Variants in PAX3 observed in about 807,000 individuals in gnomAD.
PAX3 encodes the protein paired box protein Pax-3.
A neutral mutation model predicts 51.6 loss-of-function variants in PAX3; 14 were observed. The ratio of observed to expected loss-of-function variants is 0.27; its 90% CI spans 0.18 to 0.42. The LOEUF is 0.42. Ranked by LOEUF, PAX3 falls within the 10% of genes least tolerant of loss-of-function variation. PAX3 has a pLI of 1.00. For synonymous variants in PAX3, 280 were observed against 253.4 expected (o/e 1.11, Z -1.00); for missense variants, 540 against 642.8 (o/e 0.84, Z 1.73).
intron 1 of PAX3, 154 bp downstream of exon 1, chr2:222,298,377 G>T: frequency 1.6e-6 from 1 of 641,130 alleles, no homozygotes; most frequent in South Asian, 1.8e-5. Context: ...AAATCGAGTA[G>T]GTCCTCGCCC....
chr2:222,222,008 A>T (rs1692214256), intron 5 of PAX3, among the ~76,000 whole-genome samples: 1 of 152,052 alleles, frequency 6.6e-6, no homozygotes, highest in African/African-American at 2.4e-5. Flanking sequence ...TTTTTATCTA[A>T]AATAATTCAT....
rs1446004001 is a variant in PAX3, at chr2:222,222,090, G to A, written c.793-703C>T. On this transcript the variant is annotated intron_variant, in intron 5 of 8. Transcript: ENST00000392070. ...CTGTGTCAAGCACTATGCTAACCAG[G>A]TACATTCAGAAAAGCCTGATACAAT... Among the ~76,000 whole-genome samples, 3 of 151,918 alleles carry A rather than the reference G, an allele frequency of 2.0e-5. No homozygotes were observed. The East Asian group carries it at 5.8e-4, about 29-fold the overall frequency.
chr2:222,297,580 G>A (rs540357137), intron 1 of PAX3, among the ~76,000 whole-genome samples: 70 of 152,210 alleles, frequency 4.6e-4, no homozygotes, highest in African/African-American at 1.6e-3. Context: ...CCAGGAGCTG[G>A]CCTTGATGAA....
chr2:222,255,547 T>C (rs1434026724), intron 4 of PAX3, among the ~76,000 whole-genome samples: 2 of 152,220 alleles, frequency 1.3e-5, no homozygotes, highest in East Asian at 3.8e-4. Context: ...CTGATACCTA[T>C]CTAGCATCTA....
In PAX3 at chr2:222,222,455, G is replaced by A. The variant is rs532009439; in HGVS notation, c.793-1068C>T. On this transcript the variant is annotated intron_variant, in intron 5 of 8. Transcript: ENST00000392070. ...GTCTTGCTCTGTCGCCCAGTCTGGA[G>A]TGCAATGGCGGGATCTCAGTTCAAC... 8.0e-5 allele frequency among the ~76,000 whole-genome samples: 12 copies of A among 150,940 alleles called. No homozygotes were observed. The East Asian group carries it at 2.3e-3, about 29-fold the overall frequency.
intron 4 of PAX3, among the ~76,000 whole-genome samples, chr2:222,280,237 GAGAA>G (rs908363719): frequency 2.1e-5 from 3 of 139,668 alleles, no homozygotes; most frequent in Admixed American, 7.5e-5. Context: ...GAGAGAGAGG[GAGAA>G]AGAAAGAAAG....
chr2:222,225,248 A>G (rs929574186), intron 5 of PAX3, among the ~76,000 whole-genome samples: 1 of 152,158 alleles, frequency 6.6e-6, no homozygotes, highest in Non-Finnish European at 1.5e-5. Context: ...TGCCGCCTGT[A>G]CTTCCCAACT....
intron 4 of PAX3, among the ~76,000 whole-genome samples, chr2:222,265,693 A>AAGGAAGGAAGGAAGGGAGAGAGAGC (rs1464152738): frequency 1.3e-5 from 2 of 151,594 alleles, no homozygotes; most frequent in Non-Finnish European, 2.9e-5. Flanking sequence ...GAAGGAAGGG[A>AAGGAAGGAAGGAAGGGAGAGAGAGC]GAAAGATTGA....
At chr2:222,271,046 G>A (rs1694234386) in intron 4 of PAX3, among the ~76,000 whole-genome samples, 1 of 152,210 alleles carries the variant, frequency 6.6e-6, no homozygotes, top group Admixed American at 6.5e-5. Flanking sequence ...CTTTATATTT[G>A]CTCAGGACTT....
chr2:222,298,181 C>G, intron 1 of PAX3: 1 of 339,512 alleles, frequency 2.9e-6, no homozygotes, highest in Non-Finnish European at 5.5e-6. Flanking sequence ...TTCGAGACAA[C>G]TTCGAGACAA....
intron 5 of PAX3, among the ~76,000 whole-genome samples, chr2:222,227,508 T>C (rs1692429633): frequency 6.6e-6 from 1 of 151,998 alleles, no homozygotes; most frequent in African/African-American, 2.4e-5. Flanking sequence ...GGGAGGATCA[T>C]CTGAGCCCAG....
At chr2:222,249,833 C>T (rs756359705) in intron 4 of PAX3, among the ~76,000 whole-genome samples, 2 of 152,114 alleles carry the variant, frequency 1.3e-5, no homozygotes, top group Non-Finnish European at 2.9e-5. Context: ...TAAAATATCC[C>T]TAAATAACAG....
intron 4 of PAX3, among the ~76,000 whole-genome samples, chr2:222,256,927 T>G (rs1317071530): frequency 6.6e-6 from 1 of 152,212 alleles, no homozygotes; most frequent in Non-Finnish European, 1.5e-5. Flanking sequence ...ATCATTGAAA[T>G]GGACCCTGTA....
At chr2:222,223,788 C>G (rs1226783401) in intron 5 of PAX3, among the ~76,000 whole-genome samples, 4 of 152,194 alleles carry the variant, frequency 2.6e-5, no homozygotes, top group Non-Finnish European at 5.9e-5. Flanking sequence ...TTACTATGCT[C>G]AGTTCCACTG....
chr2:222,267,307 A>G (rs1207584937), intron 4 of PAX3, among the ~76,000 whole-genome samples: 2 of 152,074 alleles, frequency 1.3e-5, no homozygotes, highest in Non-Finnish European at 2.9e-5. Context: ...AGTACTCCAT[A>G]TTTCCCTTTG....
At chr2:222,223,423 G>A (rs960723936) in intron 5 of PAX3, among the ~76,000 whole-genome samples, 15 of 152,186 alleles carry the variant, frequency 9.9e-5, no homozygotes, top group Admixed American at 5.2e-4. Context: ...TTTCAGGTCT[G>A]CATTAACTGT....
At chr2:222,272,478 G>A (rs1481485710) in intron 4 of PAX3, among the ~76,000 whole-genome samples, 1 of 152,202 alleles carries the variant, frequency 6.6e-6, no homozygotes, top group Non-Finnish European at 1.5e-5. Flanking sequence ...TGTTTTCAAA[G>A]TAATTCTCTT....
chr2:222,261,756 C>A (rs773226907), intron 4 of PAX3, among the ~76,000 whole-genome samples: 5 of 152,024 alleles, frequency 3.3e-5, no homozygotes, highest in Admixed American at 2.0e-4. Flanking sequence ...TTGAGAGGAC[C>A]CAAATGCTTA....
At chr2:222,266,183 C>T (rs1694049614) in intron 4 of PAX3, among the ~76,000 whole-genome samples, 1 of 152,190 alleles carries the variant, frequency 6.6e-6, no homozygotes, top group Admixed American at 6.5e-5. Flanking sequence ...ATCCTGGTTT[C>T]CCCTCCTCAC....
Sources: allele counts gnomAD v4.1 joint callset (sites outside exome capture counted in the v4.1 genomes callset), GRCh38; gene constraint gnomAD v4.1.1; transcripts MANE v1.5; gene names NCBI Gene and HGNC (gene_info 2026-07-23, HGNC 2026-07-21).